BNC2: variants seen among roughly 807,000 people sequenced by gnomAD.
The protein encoded by BNC2 is zinc finger protein basonuclin-2.
Under a neutral mutation model 76.3 loss-of-function variants are expected in BNC2, and 20 were observed. The observed-to-expected ratio is 0.26, with a 90% CI of 0.18 to 0.38. The LOEUF (loss-of-function observed/expected upper bound fraction) is 0.38, where lower values mean the gene tolerates loss of function less well. Among genes scored for constraint, BNC2 ranks in the 10% least tolerant of loss-of-function variants. The pLI, the probability that BNC2 is intolerant of heterozygous loss-of-function variation, is 1.00. For synonymous variants in BNC2, 582 were observed against 514.8 expected, an observed-to-expected ratio of 1.13 and a Z score of -1.77; for missense variants, 1,382 against 1,399.8, an observed-to-expected ratio of 0.99 and a Z score of 0.20.
rs1818242818 is a variant in BNC2, at chr9:16,539,634, CGAGGGAGGGAGAG to C, written c.669+12883_669+12895del. Among the ~76,000 whole-genome samples, 2 of 15,108 alleles carry C rather than the reference CGAGGGAGGGAGAG, an allele frequency of 1.3e-4. 1 individual carries two copies. The highest frequency in any genetic ancestry group is 1.9e-3 in the Admixed American group (2 of 1,080). 9.9% of individuals were successfully genotyped at this position (15,108 alleles called of 152,430 possible). A position where few individuals can be genotyped will look rare whatever the true frequency, so the allele number is the denominator to read the frequency against. On this transcript the variant is annotated intron_variant, in intron 5 of 6. Coordinates refer to ENST00000380672, the MANE Select transcript of BNC2 (RefSeq NM_017637.6). ...AGAGAGAGAGAAGGGAGGGAGGGAG[CGAGGGAGGGAGAG>C]AGAGAGAGAAGGGAGGGAGGGAGGG...
At chr9:16,836,973 A>G (rs1287200002) in intron 1 of BNC2, among the ~76,000 whole-genome samples, 3 of 152,174 alleles carry the variant, frequency 2.0e-5, no homozygotes, top group Non-Finnish European at 4.4e-5. Flanking sequence ...CATATGTTAC[A>G]ATATTTTGGC....
chr9:16,727,705 T>C (rs1824381288), intron 3 of BNC2, 92 bp downstream of exon 3: 4 of 1,146,992 alleles, frequency 3.5e-6, no homozygotes, highest in South Asian at 1.4e-5. Context: ...AAAAAGTATT[T>C]AGAAAGAAAA....
At chr9:16,579,442 C>T (rs544254428) in intron 4 of BNC2, among the ~76,000 whole-genome samples, 9 of 152,036 alleles carry the variant, frequency 5.9e-5, no homozygotes, top group Admixed American at 2.6e-4. Context: ...GCAAACACAC[C>T]GGACTAATTT....
rs1438103115 is a variant in BNC2 at position 16,659,151 on chromosome 9, G to GAC, written c.330+68645_330+68646insGT. On this transcript the variant is annotated intron_variant, in intron 3 of 6. Coordinates refer to ENST00000380672, the MANE Select transcript of BNC2 (RefSeq NM_017637.6). ...GGGTAAATGGCAGATGGATGGCGGG[G>GAC]GGGGGCATGTGAATGCACACACGTG... 3.3e-5 allele frequency among the ~76,000 whole-genome samples: 5 copies of GAC among 151,992 alleles called. No homozygotes were observed. The East Asian group carries it at 7.7e-4, about 24-fold the overall frequency.
chr9:16,833,749 T>G (rs1398468674), intron 1 of BNC2, among the ~76,000 whole-genome samples: 1 of 152,182 alleles, frequency 6.6e-6, no homozygotes, highest in Non-Finnish European at 1.5e-5. Context: ...AAGCAAGCCC[T>G]TCAAGAAAAT....
chr9:16,486,638 T>C (rs971281657), intron 5 of BNC2, among the ~76,000 whole-genome samples: 2 of 152,242 alleles, frequency 1.3e-5, no homozygotes, highest in Non-Finnish European at 2.9e-5. Flanking sequence ...ATATTTGCAC[T>C]AAAGTTTACT....
chr9:16,452,013 G>A (rs987016351), intron 5 of BNC2, among the ~76,000 whole-genome samples: 1 of 152,122 alleles, frequency 6.6e-6, no homozygotes, highest in Non-Finnish European at 1.5e-5. Flanking sequence ...GCTGACTTGG[G>A]ACAAGAATCT....
At chr9:16,647,097 G>C (rs556789218) in intron 3 of BNC2, among the ~76,000 whole-genome samples, 1 of 152,150 alleles carries the variant, frequency 6.6e-6, no homozygotes, top group African/African-American at 2.4e-5. Context: ...GGTTGTAGAT[G>C]ATATTTCCCA....
chr9:16,461,106 C>A (rs1821569782), intron 5 of BNC2, among the ~76,000 whole-genome samples: 1 of 152,072 alleles, frequency 6.6e-6, no homozygotes, highest in Admixed American at 6.6e-5. Flanking sequence ...TTGAGGCTCT[C>A]TTGGTTATAG....
intron 3 of BNC2, among the ~76,000 whole-genome samples, chr9:16,613,743 G>A (rs1000942643): frequency 2.0e-5 from 3 of 152,106 alleles, no homozygotes; most frequent in Non-Finnish European, 4.4e-5. Context: ...AGAAATCCTG[G>A]GTAACCAGGA....
At chr9:16,811,314 G>C (rs1191207967) in intron 1 of BNC2, among the ~76,000 whole-genome samples, 18 of 151,016 alleles carry the variant, frequency 1.2e-4, no homozygotes, top group African/African-American at 4.4e-4. Context: ...ACTTTGGGAG[G>C]CCAACGCGGG....
At chr9:16,633,828 T>C (rs1042318220) in intron 3 of BNC2, among the ~76,000 whole-genome samples, 1 of 152,202 alleles carries the variant, frequency 6.6e-6, no homozygotes, top group African/African-American at 2.4e-5. Context: ...TTAAAGAAGA[T>C]TCTTCAATCA....
intron 1 of BNC2, among the ~76,000 whole-genome samples, chr9:16,752,422 AAT>A (rs1825246375): frequency 2.6e-5 from 1 of 37,996 alleles, no homozygotes; most frequent in Non-Finnish European, 9.0e-5. Context: ...CAATGAAGTC[AAT>A]GTGTTTGGGC....
chr9:16,473,159 G>A (rs1821859701), intron 5 of BNC2: 1 of 152,214 alleles, frequency 6.6e-6, no homozygotes, highest in African/African-American at 2.4e-5. Flanking sequence ...TTGTCACAGT[G>A]GAACCTTACA....
At chr9:16,686,419 T>C (rs1244815325) in intron 3 of BNC2, among the ~76,000 whole-genome samples, 1 of 152,230 alleles carries the variant, frequency 6.6e-6, no homozygotes, top group Non-Finnish European at 1.5e-5. Flanking sequence ...AACAAGGTTT[T>C]AGATTCCACC....
chr9:16,524,984 G>C (rs943633667), intron 5 of BNC2, among the ~76,000 whole-genome samples: 1 of 149,784 alleles, frequency 6.7e-6, no homozygotes, highest in Admixed American at 6.8e-5. Context: ...AAGGTGGGAG[G>C]ATCACTTGAG....
chr9:16,728,486 ATAATAT>A (rs1365603814), intron 2 of BNC2, among the ~76,000 whole-genome samples: 1 of 152,122 alleles, frequency 6.6e-6, no homozygotes, highest in East Asian at 1.9e-4. Context: ...GATATAACAC[ATAATAT>A]CTGACACCAG....
intron 4 of BNC2, among the ~76,000 whole-genome samples, chr9:16,576,742 T>G (rs530848770): frequency 5.3e-5 from 8 of 152,324 alleles, no homozygotes; most frequent in African/African-American, 9.6e-5. Context: ...AACAGCTTTT[T>G]TTGTTGTTGT....
At chr9:16,655,681 G>A (rs1464748366) in intron 3 of BNC2, among the ~76,000 whole-genome samples, 1 of 152,120 alleles carries the variant, frequency 6.6e-6, no homozygotes, top group Non-Finnish European at 1.5e-5. Flanking sequence ...CTTCCCTCAC[G>A]TGCCTATTAT....
Sources: allele counts gnomAD v4.1 joint callset (sites outside exome capture counted in the v4.1 genomes callset), GRCh38; gene constraint gnomAD v4.1.1; transcripts MANE v1.5; gene names NCBI Gene and HGNC (gene_info 2026-07-23, HGNC 2026-07-21).